MSI2: variants seen among roughly 807,000 people sequenced by gnomAD.
The protein encoded by MSI2 is musashi RNA binding protein 2.
MSI2 carries 17 observed loss-of-function variants against 45.6 expected under a neutral mutation model. The observed-to-expected ratio is 0.37, with a 90% CI of 0.26 to 0.56. The LOEUF (loss-of-function observed/expected upper bound fraction) is 0.56. MSI2 is among the 20% of genes least tolerant of loss of function. The pLI is 0.77. For synonymous variants in MSI2, 156 were observed against 158.2 expected (o/e 0.99, Z 0.11); for missense variants, 293 against 444.2 (o/e 0.66, Z 3.06).
chr17:57,420,721 C>A (rs921006894), intron 6 of MSI2, among the ~76,000 whole-genome samples: 1 of 152,216 alleles, frequency 6.6e-6, no homozygotes, highest in Non-Finnish European at 1.5e-5. Context: ...CATGGGCTAT[C>A]TGGAAGGGTC....
intron 5 of MSI2, among the ~76,000 whole-genome samples, chr17:57,341,736 G>A (rs1235364242): frequency 6.6e-6 from 1 of 152,088 alleles, no homozygotes; most frequent in Non-Finnish European, 1.5e-5. Flanking sequence ...TTGGATAACG[G>A]CAAAATCACC....
At chr17:57,644,624 A>G (rs756651936) in intron 10 of MSI2, among the ~76,000 whole-genome samples, 6 of 152,010 alleles carry the variant, frequency 3.9e-5, no homozygotes, top group Non-Finnish European at 7.4e-5. Flanking sequence ...TAGTGTTTGG[A>G]TTCGGTGAAG....
intron 7 of MSI2, among the ~76,000 whole-genome samples, chr17:57,579,161 T>C (rs1262276194): frequency 6.6e-6 from 1 of 152,236 alleles, no homozygotes; most frequent in Non-Finnish European, 1.5e-5. Context: ...AAGGATGTAA[T>C]ATTTTAGAAA....
At position 57,652,258 on chromosome 17, in the gene MSI2, A is replaced by G; in HGVS notation, c.790+97A>G. On this transcript the variant is annotated intron_variant, in intron 11 of 13. Transcript: ENST00000284073. This position sits in a 1 kb window ranked among gnomAD's most constrained non-coding sequence, Gnocchi z 4.1. ...GGATCTGTGTGGCTGCATCTGTCCAACACCACTCTCACCACAGCCCCGGGG... is the reference window on the plus strand; with the variant it reads ...GGATCTGTGTGGCTGCATCTGTCCAGCACCACTCTCACCACAGCCCCGGGG... The G allele has an allele frequency of 8.0e-7, 1 of 1,243,554 alleles. No homozygotes were observed. The highest frequency in any genetic ancestry group is 1.2e-6 in the Non-Finnish European group (1 of 858,200). 77.0% of individuals were successfully genotyped at this position (1,243,554 alleles called of 1,614,324 possible). A position where few individuals can be genotyped will look rare whatever the true frequency, so the allele number is the denominator to read the frequency against.
At chr17:57,476,154 GC>G (rs1396132240) in intron 6 of MSI2, among the ~76,000 whole-genome samples, 2 of 152,232 alleles carry the variant, frequency 1.3e-5, no homozygotes, top group Non-Finnish European at 2.9e-5. Flanking sequence ...GTTAGTGCCT[GC>G]CACTCACAAC....
chr17:57,644,751 A>G (rs1238800014), intron 10 of MSI2, among the ~76,000 whole-genome samples: 1 of 152,096 alleles, frequency 6.6e-6, no homozygotes, highest in Non-Finnish European at 1.5e-5. Flanking sequence ...CATAGGAAAA[A>G]TTGTTTCATA....
intron 5 of MSI2, among the ~76,000 whole-genome samples, chr17:57,387,997 G>C (rs1431551053): frequency 6.6e-6 from 1 of 152,216 alleles, no homozygotes; most frequent in Non-Finnish European, 1.5e-5. Context: ...TGCATTACAG[G>C]ATCGGGTTGC....
chr17:57,572,031 G>T (rs1370417780), intron 7 of MSI2, among the ~76,000 whole-genome samples: 1 of 152,164 alleles, frequency 6.6e-6, no homozygotes. Context: ...CAGTGGGTGT[G>T]GTGGGGGAGC....
upstream of MSI2, chr17:57,256,514 C>CG (rs563641847): frequency 8.3e-3 from 1,072 of 128,572 alleles, 10 homozygotes; most frequent in Admixed American, 0.052. Flanking sequence ...GGGGCGGGGA[C>CG]GGGGGGGTGT....
chr17:57,257,458 C>A lies in MSI2; in HGVS notation c.104-8C>A, dbSNP rs1281652117. 2.9e-6 allele frequency: 4 copies of A among 1,390,948 alleles called. No homozygotes were observed. Among genetic ancestry groups the A allele is most frequent in the South Asian group, 2.3e-5 (2 of 85,704 alleles). The allele number at this position is 1,390,948 out of a possible 1,614,324, so 86.2% of individuals were successfully genotyped here. On this transcript the variant is annotated splice_region_variant and splice_polypyrimidine_tract_variant and intron_variant, in intron 2 of 13. Transcript: ENST00000284073. ...CCCCCCCCCATCTCTCTCTTTCTCT[C>A]TCTACAGATAGCCTTAGAGACTATT... is the stretch of plus-strand genomic sequence containing the variant.
chr17:57,578,249 G>A (rs1304650174), intron 7 of MSI2, among the ~76,000 whole-genome samples: 1 of 152,194 alleles, frequency 6.6e-6, no homozygotes, highest in Non-Finnish European at 1.5e-5. Context: ...ATGATCTAAT[G>A]GGTTTACAGT....
intron 7 of MSI2, among the ~76,000 whole-genome samples, chr17:57,561,786 T>C (rs1281074671): frequency 6.6e-6 from 1 of 152,148 alleles, no homozygotes. Context: ...ATCGGCTGCA[T>C]GTTTAATGAG....
chr17:57,393,497 T>C (rs931962118), intron 5 of MSI2, among the ~76,000 whole-genome samples: 36 of 152,326 alleles, frequency 2.4e-4, no homozygotes, highest in African/African-American at 8.4e-4. Context: ...TATTTATGGA[T>C]GTACCACATT....
chr17:57,319,471 A>G (rs1913140618), intron 5 of MSI2, among the ~76,000 whole-genome samples: 1 of 152,218 alleles, frequency 6.6e-6, no homozygotes, highest in Non-Finnish European at 1.5e-5. Flanking sequence ...GGATGGCATC[A>G]TGTCAGAATG....
chr17:57,605,035 C>G (rs939035145), intron 8 of MSI2, among the ~76,000 whole-genome samples: 3 of 152,188 alleles, frequency 2.0e-5, no homozygotes, highest in African/African-American at 7.2e-5. Flanking sequence ...TAGCATCATT[C>G]TCACTCGTAA....
At chr17:57,440,521 A>C (rs1286601830) in intron 6 of MSI2, among the ~76,000 whole-genome samples, 1 of 148,122 alleles carries the variant, frequency 6.8e-6, no homozygotes, top group African/African-American at 2.5e-5. Context: ...AAAAGAGGTT[A>C]AGAGGAGGCT....
Position 57,529,572 on chromosome 17 carries a change from C to G in MSI2, c.406-104C>G. 1 of 985,128 alleles carries G rather than the reference C, an allele frequency of 1.0e-6. No homozygotes were observed. Among genetic ancestry groups the G allele is most frequent in the East Asian group, 2.5e-5 (1 of 39,924 alleles). The allele number at this position is 985,128 out of a possible 1,614,324, so 61.0% of individuals were successfully genotyped here. ...AATATTTTTTGATAAGCAACTATTA[C>G]TTCTGTAATGGAAACTACCCCCTCA... On this transcript the variant is annotated intron_variant, in intron 6 of 13. Transcript: ENST00000284073. This position sits in a 1 kb window ranked among gnomAD's most constrained non-coding sequence, Gnocchi z 5.3.
chr17:57,339,057 GA>G (rs1288947682), intron 5 of MSI2, among the ~76,000 whole-genome samples: 1 of 152,290 alleles, frequency 6.6e-6, no homozygotes, highest in Admixed American at 6.5e-5. Context: ...GCTTTCAAAA[GA>G]AAATCACGGA....
At chr17:57,655,935 T>C (rs1911557087) in intron 11 of MSI2, among the ~76,000 whole-genome samples, 1 of 152,178 alleles carries the variant, frequency 6.6e-6, no homozygotes, top group South Asian at 2.1e-4. Flanking sequence ...ACACCTGTTG[T>C]CCAGTAAAAC....
Sources: allele counts gnomAD v4.1 joint callset (sites outside exome capture counted in the v4.1 genomes callset), GRCh38; gene constraint gnomAD v4.1.1; non-coding constraint Gnocchi (gnomAD v3.1); transcripts MANE v1.5; gene names NCBI Gene and HGNC (gene_info 2026-07-23, HGNC 2026-07-21).